STX18: variants seen among roughly 807,000 people sequenced by gnomAD.
The protein encoded by STX18 is syntaxin-18.
Under a neutral mutation model 50.1 loss-of-function variants are expected in STX18, and 40 were observed. The observed-to-expected ratio is 0.80, with a 90% CI of 0.62 to 1.04. STX18 has a LOEUF of 1.04. Ranked by LOEUF, STX18 falls within the 50% of genes least tolerant of loss-of-function variation. The pLI is 0.00. For synonymous variants in STX18, 158 were observed against 151.8 expected (o/e 1.04, Z -0.30); for missense variants, 410 against 415.8 (o/e 0.99, Z 0.12).
chr4:4,420,904 G>A lies in STX18; in HGVS notation c.872C>T (p.Ala291Val). ...IDSIHQLVVG[A>V]TENIKEGNED... ...GTTGCCTTCCTTGATATTTTCAGTT[G>A]CCCCCACAACTAACTGGTGAATGCT... Residue 291 changes from alanine to valine, a missense_variant, in exon 10 of 11, where the codon GCA (alanine) becomes GTA (valine). Coordinates refer to ENST00000306200, the MANE Select transcript of STX18 (RefSeq NM_016930.4). The surrounding 1 kb of genome is among the most constrained non-coding windows in gnomAD (Gnocchi z 4.3). The A allele has an allele frequency of 6.2e-7, 1 of 1,614,090 alleles. No individual in the cohort carries two copies. The highest frequency in any genetic ancestry group is 1.3e-5 in the African/African-American group (1 of 75,024).
chr4:4,433,430 G>C (rs1725615815), intron 7 of STX18, among the ~76,000 whole-genome samples: 1 of 149,900 alleles, frequency 6.7e-6, no homozygotes, highest in African/African-American at 2.5e-5. Flanking sequence ...AGAGACCTCT[G>C]TTCACTTGTT....
At chr4:4,444,696 CCA>C (rs1553830494) in intron 5 of STX18, among the ~76,000 whole-genome samples, 10 of 152,166 alleles carry the variant, frequency 6.6e-5, no homozygotes, top group Non-Finnish European at 1.5e-4. Flanking sequence ...TTTCTGAGTT[CCA>C]TGAGTTCTTC....
chr4:4,488,515 C>CA (rs1728794717), intron 1 of STX18, among the ~76,000 whole-genome samples: 1 of 152,132 alleles, frequency 6.6e-6, no homozygotes, highest in Non-Finnish European at 1.5e-5. Context: ...AAGACAAGGG[C>CA]AAGAGTTACA....
intron 5 of STX18, among the ~76,000 whole-genome samples, chr4:4,442,932 A>G (rs1254747730): frequency 2.0e-5 from 3 of 152,200 alleles, no homozygotes; most frequent in South Asian, 2.1e-4. Flanking sequence ...AAAATGCTCA[A>G]TCTTCCTCAT....
chr4:4,516,656 A>G (rs1246279992), intron 1 of STX18, among the ~76,000 whole-genome samples: 2 of 152,246 alleles, frequency 1.3e-5, no homozygotes, highest in African/African-American at 4.8e-5. Flanking sequence ...AGATACTTGC[A>G]ACTGAATAAT....
intron 1 of STX18, chr4:4,507,579 G>A (rs963688772): frequency 7.9e-6 from 6 of 762,688 alleles, no homozygotes; most frequent in Non-Finnish European, 1.5e-5. Context: ...AGCTGTGCAC[G>A]ACGCAAGCCT....
rs553324995 is a variant in STX18, at chr4:4,430,256, G to A, written c.702+4514C>T. Among the ~76,000 whole-genome samples the A allele has an allele frequency of 1.5e-4, 23 of 152,190 alleles. No individual in the cohort carries two copies. In the South Asian group the frequency reaches 3.5e-3, roughly 23 times the overall value. On this transcript the variant is annotated intron_variant, in intron 7 of 10. Transcript: ENST00000306200. Reference sequence around the variant, plus strand: ...TTATTTTACCCTGAGGAAAAATTCCGAAACAGTGATTATGAATTATGACCA... The same window carrying A: ...TTATTTTACCCTGAGGAAAAATTCCAAAACAGTGATTATGAATTATGACCA...
chr4:4,457,209 ACT>A lies in STX18; in HGVS notation c.477_478del (p.Arg159SerfsTer4). ...TACTTACAATCTTTTCTTATCCACC[ACT>A]CTTTTAACTCGGATGGCTCTCTGTT... On this transcript the variant is annotated frameshift_variant, in exon 5 of 11. Coordinates refer to ENST00000306200, the MANE Select transcript of STX18 (RefSeq NM_016930.4). LOFTEE classifies it high-confidence loss of function. The A allele has an allele frequency of 3.7e-6, 6 of 1,613,792 alleles. No individual in the cohort carries two copies. The highest frequency in any genetic ancestry group is 4.2e-6 in the Non-Finnish European group (5 of 1,179,896).
intron 1 of STX18, among the ~76,000 whole-genome samples, chr4:4,479,451 G>T (rs1406343192): frequency 6.6e-6 from 1 of 152,196 alleles, no homozygotes; most frequent in Admixed American, 6.5e-5. Context: ...GACATAGTGA[G>T]ATCTAACTTG....
At chr4:4,526,510 G>A (rs1730766266) in intron 1 of STX18, among the ~76,000 whole-genome samples, 1 of 152,112 alleles carries the variant, frequency 6.6e-6, no homozygotes, top group Non-Finnish European at 1.5e-5. Context: ...ACACAAGCTG[G>A]AACAACAACA....
At chr4:4,528,427 C>T (rs896380324) in intron 1 of STX18, among the ~76,000 whole-genome samples, 26 of 152,226 alleles carry the variant, frequency 1.7e-4, no homozygotes, top group African/African-American at 6.3e-4. Flanking sequence ...CCTCCCCCTT[C>T]TCTCTTCTTG....
intron 1 of STX18, among the ~76,000 whole-genome samples, chr4:4,492,027 T>G (rs896085479): frequency 6.6e-6 from 1 of 152,130 alleles, no homozygotes; most frequent in Non-Finnish European, 1.5e-5. Context: ...TTTTACATTT[T>G]TATGATGCCT....
intron 1 of STX18, among the ~76,000 whole-genome samples, chr4:4,497,579 T>G (rs868861831): frequency 3.7e-4 from 57 of 152,176 alleles, no homozygotes; most frequent in African/African-American, 1.3e-3. Context: ...ATTTTATACA[T>G]GAGAAAACTG....
At chr4:4,469,301 A>G (rs1277735330) in intron 2 of STX18, among the ~76,000 whole-genome samples, 1 of 152,228 alleles carries the variant, frequency 6.6e-6, no homozygotes, top group Non-Finnish European at 1.5e-5. Flanking sequence ...AAACAAAACA[A>G]AAAATATGTG....
chr4:4,514,802 C>A (rs1003419610), intron 1 of STX18, among the ~76,000 whole-genome samples: 9 of 152,008 alleles, frequency 5.9e-5, no homozygotes, highest in Non-Finnish European at 1.2e-4. Flanking sequence ...CTAGAGAATT[C>A]TTTCTTTGGA....
intron 1 of STX18, among the ~76,000 whole-genome samples, chr4:4,524,371 G>A (rs925829967): frequency 3.3e-5 from 5 of 152,200 alleles, no homozygotes; most frequent in Non-Finnish European, 7.3e-5. Flanking sequence ...AATGTATTGG[G>A]TGGAAGTAAC....
At chr4:4,432,981 C>G (rs564108311) in intron 7 of STX18, among the ~76,000 whole-genome samples, 38 of 152,354 alleles carry the variant, frequency 2.5e-4, no homozygotes, top group African/African-American at 8.7e-4. Flanking sequence ...CTCTGCCTGG[C>G]TGGCCTGTGT....
intron 1 of STX18, among the ~76,000 whole-genome samples, chr4:4,512,747 C>T (rs76391546): frequency 1.9e-4 from 29 of 152,262 alleles, no homozygotes; most frequent in Non-Finnish European, 3.5e-4. Context: ...TTTTCACCAA[C>T]GTATCTTACA....
At chr4:4,449,560 G>A (rs1228731895) in intron 5 of STX18, among the ~76,000 whole-genome samples, 1 of 152,126 alleles carries the variant, frequency 6.6e-6, no homozygotes, top group Non-Finnish European at 1.5e-5. Context: ...GTTTCCTCGC[G>A]GTTGGATTCA....
Sources: allele counts gnomAD v4.1 joint callset (sites outside exome capture counted in the v4.1 genomes callset), GRCh38; gene constraint gnomAD v4.1.1; non-coding constraint Gnocchi (gnomAD v3.1); transcripts MANE v1.5; gene names NCBI Gene and HGNC (gene_info 2026-07-23, HGNC 2026-07-21).